Variants in NUDT13 observed in about 807,000 individuals in gnomAD.
NUDT13 encodes NAD(P)H pyrophosphatase NUDT13, mitochondrial.
In NUDT13, 40 loss-of-function variants were observed where a neutral mutation model predicts 41.7. The observed-to-expected ratio is 0.96, with a 90% CI of 0.75 to 1.25. The LOEUF (loss-of-function observed/expected upper bound fraction) is 1.25, where lower values mean the gene tolerates loss of function less well. NUDT13 is among the 50% of genes most tolerant of loss of function. The probability of loss-of-function intolerance (pLI) is 0.00; values close to 1 mark genes in which losing one functional copy is unlikely to be tolerated. For missense variants in NUDT13, 390 were observed against 416.1 expected (o/e 0.94, Z 0.55); for synonymous variants, 145 against 155.5 (o/e 0.93, Z 0.50).
In NUDT13 at chr10:73,130,797, A is replaced by G; in HGVS notation, c.953A>G (p.Gln318Arg). The G allele has an allele frequency of 6.2e-7, 1 of 1,613,730 alleles. No homozygotes were observed. The highest frequency in any genetic ancestry group is 8.5e-7 in the Non-Finnish European group (1 of 1,179,906). ...AAGAGAAAGGGCCCCTATACTCAGCAACAGAATGGGACTTTCCCATTCTGG... is the reference window on the plus strand; with the variant it reads ...AAGAGAAAGGGCCCCTATACTCAGCGACAGAATGGGACTTTCCCATTCTGG... ...ALKRKGPYTQQQNGTFPFWLP... is the reference protein window; with the variant it reads ...ALKRKGPYTQRQNGTFPFWLP... The change falls in exon 9 of 9, where the codon CAA becomes CGA. Residue 318 changes from glutamine (Q) to arginine (R), a missense_variant. Gln to Arg is a conservative substitution (Grantham distance 43). Coordinates refer to ENST00000357321, the MANE Select transcript of NUDT13 (RefSeq NM_015901.6).
chr10:73,129,979 CA>C (rs5786101), intron 8 of NUDT13, among the ~76,000 whole-genome samples: 23,006 of 118,960 alleles, frequency 0.19, 2,825 homozygotes, highest in African/African-American at 0.38. Context: ...AACTCCATCT[CA>C]AAAAAAAAAA....
intron 2 of NUDT13, 40 bp from the exon 3 acceptor site, chr10:73,119,978 A>G: frequency 1.2e-6 from 2 of 1,605,408 alleles, no homozygotes; most frequent in Non-Finnish European, 1.7e-6. Flanking sequence ...CAGGTAACTA[A>G]GGGTGGTTTT....
Position 73,122,316 on chromosome 10 carries a change from G to T in NUDT13, c.358+7G>T. On this transcript the variant is annotated splice_region_variant and intron_variant, in intron 4 of 8. Coordinates refer to ENST00000357321, the MANE Select transcript of NUDT13 (RefSeq NM_015901.6). The stretch of plus-strand genomic sequence containing the variant: ...AGCTCCTTTTCCATAAGTGGTACAT[G>T]ACATTATTCCTAACGGGTACTTCCC... 1 of 1,607,754 alleles carries T rather than the reference G, an allele frequency of 6.2e-7. No individual in the cohort carries two copies.
intron 8 of NUDT13, 47 bp from the exon 9 acceptor site, chr10:73,130,656 T>A (rs1257021631): frequency 1.3e-6 from 2 of 1,524,350 alleles, no homozygotes; most frequent in African/African-American, 2.7e-5. Context: ...GTATTCTAAA[T>A]TTTGTAGCTC....
At chr10:73,123,950 A>G (rs1166173052) in intron 4 of NUDT13, among the ~76,000 whole-genome samples, 1 of 152,016 alleles carries the variant, frequency 6.6e-6, no homozygotes, top group East Asian at 1.9e-4. Context: ...TTTAAATTTT[A>G]GAGATGGGGT....
At chr10:73,125,651 T>TTATATATA (rs57047791) in intron 7 of NUDT13, 142 bp downstream of exon 7, 143 of 196,564 alleles carry the variant, frequency 7.3e-4, no homozygotes, top group African/African-American at 3.0e-3. Context: ...TTCTGGCATT[T>TTATATATA]TATATATATA....
chr10:73,131,152 G>C lies in NUDT13; in HGVS notation c.*249G>C, dbSNP rs1842909020. 1 of 389,928 alleles carries C rather than the reference G, an allele frequency of 2.6e-6. No homozygotes were observed. Among genetic ancestry groups the C allele is most frequent in the South Asian group, 2.6e-5 (1 of 38,158 alleles). The allele number at this position is 389,928 out of a possible 1,614,324, so 24.2% of individuals were successfully genotyped here. A position where few individuals can be genotyped will look rare whatever the true frequency, so the allele number is the denominator to read the frequency against. On this transcript the variant is annotated 3_prime_UTR_variant, in exon 9 of 9. Transcript: ENST00000357321. ...CAACTGTCAAAAATCAGGGGGAAGG[G>C]GGAAGCATTAGTTTGGATGTAGGCC...
intron 1 of NUDT13, among the ~76,000 whole-genome samples, chr10:73,111,379 G>GT (rs539808153): frequency 1.5e-3 from 219 of 150,902 alleles, no homozygotes; most frequent in Non-Finnish European, 2.6e-3. Flanking sequence ...GTTTTGTTTT[G>GT]TTTTTTTGTT....
rs1842338063 is a variant in NUDT13, at chr10:73,110,502, C to T, written c.-75C>T. On this transcript the variant is annotated 5_prime_UTR_variant, in exon 1 of 9. Transcript: ENST00000357321. Reference sequence around the variant, plus strand: ...GGGAACGGAAGCCGTTGAACGTGAACATTTGGAGTTTCCTCTTTTGTGCTG... The same window carrying T: ...GGGAACGGAAGCCGTTGAACGTGAATATTTGGAGTTTCCTCTTTTGTGCTG... 1 of 152,186 alleles carries T rather than the reference C, an allele frequency of 6.6e-6. No homozygotes were observed. The highest frequency in any genetic ancestry group is 1.5e-5 in the Non-Finnish European group (1 of 68,056). 9.4% of individuals were successfully genotyped at this position (152,186 alleles called of 1,614,324 possible). A position where few individuals can be genotyped will look rare whatever the true frequency, so the allele number is the denominator to read the frequency against.
chr10:73,122,325 C>A lies in NUDT13; in HGVS notation c.358+16C>A, dbSNP rs1047228135. 8.1e-6 allele frequency: 13 copies of A among 1,601,290 alleles called. No homozygotes were observed. The highest frequency in any genetic ancestry group is 1.1e-5 in the Non-Finnish European group (13 of 1,175,754). On this transcript the variant is annotated intron_variant, in intron 4 of 8. Coordinates refer to ENST00000357321, the MANE Select transcript of NUDT13 (RefSeq NM_015901.6). Reference sequence around the variant, plus strand: ...TCCATAAGTGGTACATGACATTATTCCTAACGGGTACTTCCCAGTGGTCTT... The same window carrying A: ...TCCATAAGTGGTACATGACATTATTACTAACGGGTACTTCCCAGTGGTCTT...
chr10:73,114,346 TTTTTTTTAAGG>T lies in NUDT13; in HGVS notation c.-9-10_-9del. ...TGACTTTTTTTAAAACTCCTTTTTT[TTTTTTTTAAGG>T]ACCTGACAATGTCCCTGTATTGTGG... On this transcript the variant is annotated splice_acceptor_variant and splice_polypyrimidine_tract_variant and 5_prime_UTR_variant and intron_variant, in exon 2 of 9. Transcript: ENST00000357321. LOFTEE classifies it low-confidence loss of function (5UTR_SPLICE). The T allele has an allele frequency of 7.0e-7, 1 of 1,436,782 alleles. No homozygotes were observed. Among genetic ancestry groups the T allele is most frequent in the Non-Finnish European group, 9.5e-7 (1 of 1,054,690 alleles). The allele number at this position is 1,436,782 out of a possible 1,614,324, so 89.0% of individuals were successfully genotyped here.
chr10:73,120,060 A>G lies in NUDT13; in HGVS notation c.126A>G (p.Lys42=). ...AGGAAGATGATGATGCATGTAAAAA[A>G]GCCCAGCAAACAGGAGCGTTTTACC... The part of the protein sequence containing the change: ...ELKEDDDACK[K]AQQTGAFYLF... The change falls in exon 3 of 9, where the codon AAA becomes AAG. Residue 42 remains lysine (K), a synonymous_variant. Transcript: ENST00000357321. 1 of 1,614,210 alleles carries G rather than the reference A, an allele frequency of 6.2e-7. No homozygotes were observed. The highest frequency in any genetic ancestry group is 8.5e-7 in the Non-Finnish European group (1 of 1,180,020).
At chr10:73,114,552 A>G (rs1475228817) in intron 2 of NUDT13, 104 bp downstream of exon 2, 2 of 340,702 alleles carry the variant, frequency 5.9e-6, no homozygotes, top group African/African-American at 4.4e-5. Flanking sequence ...TATTATATAT[A>G]CATTATATAT....
Position 73,124,314 on chromosome 10 carries a change from G to C in NUDT13, c.459G>C (p.Leu153=), listed in dbSNP as rs1182233174. The stretch of plus-strand genomic sequence containing the variant: ...TCAATGCAAGGGATGCCTCCTTGCT[G>C]TCCACGGTAGATTCTGATTTCTCAT... The part of the protein sequence containing the change: ...FQLNARDASL[L]STAQALLRWH... Residue 153 remains leucine (L), a synonymous_variant, in exon 5 of 9, where the codon CTG becomes CTC. Transcript: ENST00000357321. 1 of 1,601,508 alleles carries C rather than the reference G, an allele frequency of 6.2e-7. No individual in the cohort carries two copies. The highest frequency in any genetic ancestry group is 1.7e-5 in the Admixed American group (1 of 59,978).
intron 8 of NUDT13, chr10:73,130,473 AATAT>A: frequency 1.9e-5 from 3 of 157,536 alleles, no homozygotes; most frequent in Non-Finnish European, 4.0e-5. Flanking sequence ...AAAAAAAAAA[AATAT>A]ATATATATAT....
At chr10:73,119,440 A>G (rs550528573) in intron 2 of NUDT13, 211 of 972,400 alleles carry the variant, frequency 2.2e-4, no homozygotes, top group Admixed American at 5.5e-4. Context: ...TTTGTTCTTT[A>G]TCTTCCCTAG....
At chr10:73,116,557 G>A (rs79174740) in intron 2 of NUDT13, among the ~76,000 whole-genome samples, 23,889 of 151,810 alleles carry the variant, frequency 0.16, 3,122 homozygotes, top group African/African-American at 0.33. Flanking sequence ...CAGCTTGGCC[G>A]GCATGGTGAA....
At chr10:73,112,844 CTATATA>C (rs201482211) in intron 1 of NUDT13, among the ~76,000 whole-genome samples, 1 of 151,232 alleles carries the variant, frequency 6.6e-6, no homozygotes, top group African/African-American at 2.4e-5. Context: ...CTCCCTGTTA[CTATATA>C]TATATATTTT....
intron 5 of NUDT13, chr10:73,124,632 C>A: frequency 3.9e-6 from 1 of 254,464 alleles, no homozygotes; most frequent in Non-Finnish European, 7.4e-6. Context: ...ATCATGTTTT[C>A]CCTAAGAGAA....
Sources: allele counts gnomAD v4.1 joint callset (sites outside exome capture counted in the v4.1 genomes callset), GRCh38; gene constraint gnomAD v4.1.1; transcripts MANE v1.5; gene names NCBI Gene and HGNC (gene_info 2026-07-23, HGNC 2026-07-21).